The following TOMM7 variants were observed in gnomAD, a reference collection of about 807,000 sequenced individuals.
TOMM7 encodes the protein mitochondrial import receptor subunit TOM7 homolog.
TOMM7 carries 8 observed loss-of-function variants against 9.5 expected under a neutral mutation model. That is an observed-to-expected ratio of 0.84 (90% CI 0.49 to 1.51). TOMM7 has a LOEUF of 1.51. Ranked by LOEUF, TOMM7 falls within the 40% of genes most tolerant of loss-of-function variation. The pLI is 0.00. For missense variants in TOMM7, 74 were observed against 63.7 expected, an observed-to-expected ratio of 1.16 and a Z score of -0.55; for synonymous variants, 27 against 21.4, an observed-to-expected ratio of 1.26 and a Z score of -0.72.
rs987513512 is a variant in TOMM7 at position 22,813,010 on chromosome 7, TAA to T, written c.*158_*159del. 2 of 700,118 alleles carry T rather than the reference TAA, an allele frequency of 2.9e-6. No individual in the cohort carries two copies. Among genetic ancestry groups the T allele is most frequent in the Admixed American group, 2.4e-5 (1 of 41,086 alleles). The allele number at this position is 700,118 out of a possible 1,614,324, so 43.4% of individuals were successfully genotyped here. The stretch of plus-strand genomic sequence containing the variant: ...ACATTTATTCTGATACATTCTATCA[TAA>T]GTTAGTACAAGTTCCACTCTGCTAC... On this transcript the variant is annotated 3_prime_UTR_variant, in exon 3 of 3. Coordinates refer to ENST00000358435, the MANE Select transcript of TOMM7 (RefSeq NM_019059.5).
intron 1 of TOMM7, among the ~76,000 whole-genome samples, chr7:22,819,775 A>G (rs932025572): frequency 6.6e-6 from 1 of 152,210 alleles, no homozygotes; most frequent in Non-Finnish European, 1.5e-5. Flanking sequence ...TCAAAAGATA[A>G]TATGGAACAA....
chr7:22,821,511 T>C (rs1782390895), intron 1 of TOMM7, among the ~76,000 whole-genome samples: 1 of 151,926 alleles, frequency 6.6e-6, no homozygotes, highest in Non-Finnish European at 1.5e-5. Context: ...GGAGGCCGGC[T>C]GGAGGGGAGG....
intron 1 of TOMM7, chr7:22,822,348 A>G: frequency 2.8e-6 from 4 of 1,437,246 alleles, no homozygotes. Context: ...CCCGAGAACC[A>G]CCTAGTGCTA....
At chr7:22,821,486 G>A (rs932306744) in intron 1 of TOMM7, among the ~76,000 whole-genome samples, 9 of 151,902 alleles carry the variant, frequency 5.9e-5, no homozygotes, top group Admixed American at 5.9e-4. Context: ...CACTTTGGGA[G>A]GCCGCGCGCG....
chr7:22,820,208 A>G (rs1782368521), intron 1 of TOMM7, among the ~76,000 whole-genome samples: 1 of 152,222 alleles, frequency 6.6e-6, no homozygotes, highest in South Asian at 2.1e-4. Context: ...CATAAAATTA[A>G]ATATACAGTA....
At chr7:22,819,843 T>G (rs370204598) in intron 1 of TOMM7, among the ~76,000 whole-genome samples, 21 of 152,336 alleles carry the variant, frequency 1.4e-4, no homozygotes, top group African/African-American at 5.1e-4. Flanking sequence ...CCATGGAGAA[T>G]TGTCTTCCAA....
chr7:22,813,522 G>A (rs1782276020), intron 2 of TOMM7, among the ~76,000 whole-genome samples: 1 of 152,112 alleles, frequency 6.6e-6, no homozygotes, highest in South Asian at 2.1e-4. Context: ...ATTACTAGAT[G>A]CAGTATCAGT....
intron 2 of TOMM7, chr7:22,817,765 T>C: frequency 2.3e-6 from 1 of 441,738 alleles, no homozygotes; most frequent in Non-Finnish European, 4.1e-6. Context: ...TTTAAAGTGG[T>C]AGGATAATAA....
chr7:22,814,333 G>A (rs1312118318), intron 2 of TOMM7, among the ~76,000 whole-genome samples: 1 of 135,114 alleles, frequency 7.4e-6, no homozygotes, highest in Non-Finnish European at 1.5e-5. Context: ...CTGGGTGACA[G>A]AGCAAGACTC....
chr7:22,814,349 CAAAAA>C (rs58506942), intron 2 of TOMM7, among the ~76,000 whole-genome samples: 3 of 91,020 alleles, frequency 3.3e-5, no homozygotes, highest in Non-Finnish European at 2.1e-5. Context: ...GACTCCGACT[CAAAAA>C]AAAAAAAAAA....
intron 1 of TOMM7, among the ~76,000 whole-genome samples, chr7:22,820,876 A>C (rs12532938): frequency 0.23 from 34,307 of 152,196 alleles, 4,296 homozygotes; most frequent in Middle Eastern, 0.34. Context: ...CCAGGTTATC[A>C]GTTGGCTTGC....
intron 1 of TOMM7, among the ~76,000 whole-genome samples, chr7:22,819,116 T>C (rs1450598308): frequency 1.3e-5 from 2 of 152,174 alleles, no homozygotes; most frequent in Non-Finnish European, 1.5e-5. Flanking sequence ...GTATATCTTT[T>C]ACCATTTAAA....
At chr7:22,822,615 G>A in intron 1 of TOMM7, 62 bp downstream of exon 1, 1 of 1,456,634 alleles carries the variant, frequency 6.9e-7, no homozygotes, top group East Asian at 2.3e-5. Context: ...GGCCAAAAAT[G>A]GGGCTGCTGT....
At chr7:22,819,391 CGG>C (rs1302357728) in intron 1 of TOMM7, among the ~76,000 whole-genome samples, 1 of 146,924 alleles carries the variant, frequency 6.8e-6, no homozygotes, top group East Asian at 2.1e-4. Flanking sequence ...TTTTTTGAGA[CGG>C]AGTCTCGCTC....
At chr7:22,822,125 A>G (rs1204415154) in intron 1 of TOMM7, 1 of 1,548,940 alleles carries the variant, frequency 6.5e-7, no homozygotes, top group Non-Finnish European at 8.7e-7. Flanking sequence ...GACCTTGGCA[A>G]AAAAGTTTCT....
intron 2 of TOMM7, among the ~76,000 whole-genome samples, chr7:22,814,836 T>G (rs982056792): frequency 1.3e-5 from 2 of 152,212 alleles, no homozygotes; most frequent in East Asian, 1.9e-4. Flanking sequence ...ATTAACTGTA[T>G]TATTTACATA....
At chr7:22,817,969 G>A (rs566448223) in intron 2 of TOMM7, 31 bp downstream of exon 2, 2 of 1,602,258 alleles carry the variant, frequency 1.2e-6, no homozygotes, top group South Asian at 2.2e-5. Context: ...ATGAACATTT[G>A]TCCTGAAATG....
chr7:22,817,855 T>A, intron 2 of TOMM7, 145 bp downstream of exon 2: 1 of 638,818 alleles, frequency 1.6e-6, no homozygotes, highest in Non-Finnish European at 2.8e-6. Context: ...GAAGAGAAAG[T>A]AGTTGCAGTT....
At chr7:22,818,105 C>T in intron 1 of TOMM7, 57 bp from the exon 2 acceptor site, 2 of 1,524,170 alleles carry the variant, frequency 1.3e-6, no homozygotes, top group Non-Finnish European at 1.8e-6. Context: ...GCAGACAAAA[C>T]ATTTACAATC....
Sources: gnomAD v4.1 joint callset for allele counts (sites outside exome capture counted in the v4.1 genomes callset) on GRCh38, gnomAD v4.1.1 for gene constraint, MANE v1.5 for transcripts, NCBI Gene and HGNC (gene_info 2026-07-23, HGNC 2026-07-21) for gene names.